The following RIC3 variants were observed in gnomAD, a reference collection of about 807,000 sequenced individuals.
RIC3 encodes the protein RIC3 acetylcholine receptor chaperone.
A neutral mutation model predicts 27.3 loss-of-function variants in RIC3; 28 were observed. The ratio of observed to expected loss-of-function variants is 1.02; its 90% CI spans 0.76 to 1.41. The LOEUF is 1.41. RIC3 is among the 40% of genes most tolerant of loss of function. The pLI is 0.00. For missense variants in RIC3, 501 were observed against 444.7 expected, an observed-to-expected ratio of 1.13 and a Z score of -1.14; for synonymous variants, 184 against 160.4, an observed-to-expected ratio of 1.15 and a Z score of -1.11.
chr11:8,120,048 T>C (rs1946271593), intron 5 of RIC3, among the ~76,000 whole-genome samples: 1 of 152,146 alleles, frequency 6.6e-6, no homozygotes, highest in Admixed American at 6.5e-5. Context: ...TAACAGATGC[T>C]AGAGAGGATG....
At chr11:8,144,391 AAAG>A (rs1156310566) in intron 1 of RIC3, among the ~76,000 whole-genome samples, 2 of 150,164 alleles carry the variant, frequency 1.3e-5, no homozygotes, top group African/African-American at 5.0e-5. Context: ...ACACTTCTCA[AAAG>A]AAGACATTTA....
chr11:8,094,076 A>C, the RIC3 span: 1 of 1,614,182 alleles, frequency 6.2e-7, no homozygotes, highest in South Asian at 1.1e-5. Flanking sequence ...GCCAGTGTGC[A>C]GCTGGGAGCC....
the RIC3 span, chr11:8,097,969 A>G: frequency 2.1e-5 from 14 of 662,940 alleles, no homozygotes; most frequent in Non-Finnish European, 2.1e-5. Flanking sequence ...ATCACATCCA[A>G]CTGGAGGCCT....
chr11:8,141,349 T>C (rs1168585564), intron 1 of RIC3, among the ~76,000 whole-genome samples: 30 of 151,226 alleles, frequency 2.0e-4, no homozygotes, highest in Non-Finnish European at 1.0e-4. Flanking sequence ...ACCAAGCAAA[T>C]GGAAAATAAA....
chr11:8,110,608 G>A lies in RIC3; in HGVS notation c.*90C>T. 8.7e-7 allele frequency: 1 copy of A among 1,147,536 alleles called. No individual in the cohort carries two copies. Among genetic ancestry groups the A allele is most frequent in the Non-Finnish European group, 1.3e-6 (1 of 761,798 alleles). 71.1% of individuals were successfully genotyped at this position (1,147,536 alleles called of 1,614,324 possible). A position where few individuals can be genotyped will look rare whatever the true frequency, so the allele number is the denominator to read the frequency against. ...AGCTATGACACTTGAACACAGTGAA[G>A]AAAGTGCAGGGCACAGGGCCAAGAA... On this transcript the variant is annotated 3_prime_UTR_variant, in exon 6 of 6. Coordinates refer to ENST00000309737, the MANE Select transcript of RIC3 (RefSeq NM_001206671.4).
chr11:8,105,620 A>ATAAAGAT (rs1944538164), downstream of RIC3: 1 of 152,236 alleles, frequency 6.6e-6, no homozygotes, highest in South Asian at 2.1e-4. Flanking sequence ...TAACCACAAG[A>ATAAAGAT]TAAAGATGTT....
the RIC3 span, among the ~76,000 whole-genome samples, chr11:8,095,039 C>T: frequency 5.3e-5 from 8 of 152,298 alleles, no homozygotes; most frequent in East Asian, 1.5e-3. Context: ...TCTCAAGGGG[C>T]CCACGTTTTT....
At chr11:8,154,088 T>C (rs1950468179) in intron 1 of RIC3, among the ~76,000 whole-genome samples, 1 of 152,208 alleles carries the variant, frequency 6.6e-6, no homozygotes, top group African/African-American at 2.4e-5. Context: ...TGGAAATTTC[T>C]AGTGGGAATT....
rs73411635 is a variant in RIC3 at position 8,152,045 on chromosome 11, G to A, written c.125-11852C>T. ...CCAAGGAAATGCAAATCAAACTCAC[G>A]AGGAGATACCACTTCACACTAACTA... is the stretch of plus-strand genomic sequence containing the variant. On this transcript the variant is annotated intron_variant, in intron 1 of 5. Transcript: ENST00000309737. 2.3e-3 allele frequency among the ~76,000 whole-genome samples: 350 copies of A among 152,172 alleles called. 1 individual carries two copies. The highest frequency in any genetic ancestry group is 8.2e-3 in the African/African-American group (340 of 41,510).
At position 8,137,517 on chromosome 11, in the gene RIC3, A is replaced by C. The variant is rs774766951; in HGVS notation, c.428-46T>G. 1.8e-5 allele frequency: 28 copies of C among 1,522,386 alleles called. No individual in the cohort carries two copies. In the South Asian group the frequency reaches 3.1e-4, roughly 17 times the overall value. The allele number at this position is 1,522,386 out of a possible 1,614,324, so 94.3% of individuals were successfully genotyped here. A position where few individuals can be genotyped will look rare whatever the true frequency, so the allele number is the denominator to read the frequency against. On this transcript the variant is annotated intron_variant, in intron 3 of 5. Transcript: ENST00000309737. ...TAAGAACCATCAGAGACAACTCCCT[A>C]AACCTGTTAAAGAGACCACAAATTT...
At chr11:8,134,400 G>A (rs1170754033) in intron 4 of RIC3, among the ~76,000 whole-genome samples, 1 of 152,166 alleles carries the variant, frequency 6.6e-6, no homozygotes, top group African/African-American at 2.4e-5. Context: ...TATCATTGAT[G>A]GACATCTGGG....
At chr11:8,111,630 G>C (rs1362825479) in intron 5 of RIC3, among the ~76,000 whole-genome samples, 1 of 152,170 alleles carries the variant, frequency 6.6e-6, no homozygotes, top group South Asian at 2.1e-4. Context: ...CCAAACAATT[G>C]AAATGGCTTG....
At chr11:8,098,826 C>T in the RIC3 span, 3 of 1,614,058 alleles carry the variant, frequency 1.9e-6, no homozygotes, top group South Asian at 2.2e-5. Flanking sequence ...GCCTCATCCT[C>T]CACTTTGGAA....
At position 8,168,962 on chromosome 11, in the gene RIC3, C is replaced by A. The variant is rs993247315; in HGVS notation, c.28G>T (p.Ala10Ser). 1 of 1,608,928 alleles carries A rather than the reference C, an allele frequency of 6.2e-7. No homozygotes were observed. Among genetic ancestry groups the A allele is most frequent in the Non-Finnish European group, 8.5e-7 (1 of 1,177,872 alleles). MAYSTVQRV[A>S]LASGLVLALS... ...GCCAGGACAAGCCCAGAAGCCAGAG[C>A]GACTCTCTGCACTGTGGAGTACGCC... is the stretch of plus-strand genomic sequence containing the variant. Residue 10 changes from alanine (A) to serine (S), a missense_variant, in exon 1 of 6, where the codon GCT becomes TCT. Transcript: ENST00000309737.
chr11:8,141,032 C>T (rs935200714), intron 1 of RIC3, among the ~76,000 whole-genome samples: 13 of 148,836 alleles, frequency 8.7e-5, no homozygotes, highest in South Asian at 2.2e-4. Context: ...CTGAAGGAAG[C>T]GCTAAACATG....
At chr11:8,101,856 G>GAGACGGCGA, downstream of RIC3, 1 of 482,864 alleles carries the variant, frequency 2.1e-6, no homozygotes, top group Non-Finnish European at 3.4e-6. Flanking sequence ...TTCTTTCCAT[G>GAGACGGCGA]CCACGAGATC....
chr11:8,161,299 T>C (rs1305212435), intron 1 of RIC3, among the ~76,000 whole-genome samples: 1 of 152,218 alleles, frequency 6.6e-6, no homozygotes, highest in African/African-American at 2.4e-5. Flanking sequence ...TTTTTCCTTT[T>C]GGCATAGTGA....
At chr11:8,123,124 C>T (rs537981151) in intron 5 of RIC3, among the ~76,000 whole-genome samples, 1 of 151,456 alleles carries the variant, frequency 6.6e-6, no homozygotes, top group Non-Finnish European at 1.5e-5. Context: ...GGGTTAGATA[C>T]AGTAGAAGAA....
intron 1 of RIC3, among the ~76,000 whole-genome samples, chr11:8,147,871 G>C (rs1489237410): frequency 6.6e-6 from 1 of 152,040 alleles, no homozygotes; most frequent in Non-Finnish European, 1.5e-5. Context: ...GGGATTACAG[G>C]CATGTGCCAC....
Sources: allele counts gnomAD v4.1 joint callset (sites outside exome capture counted in the v4.1 genomes callset), GRCh38; gene constraint gnomAD v4.1.1; transcripts MANE v1.5; gene names NCBI Gene and HGNC (gene_info 2026-07-23, HGNC 2026-07-21).